AMPH: variants seen among roughly 807,000 people sequenced by gnomAD.
The protein encoded by AMPH is amphiphysin (Stiff-Mann syndrome with breast cancer 128kD autoantigen).
AMPH carries 49 observed loss-of-function variants against 99.1 expected under a neutral mutation model. The observed-to-expected ratio is 0.49, with a 90% CI of 0.39 to 0.63. The LOEUF is 0.63. AMPH is among the 20% of genes least tolerant of loss of function. AMPH has a pLI of 0.00. For missense variants in AMPH, 759 were observed against 863.4 expected, an observed-to-expected ratio of 0.88 and a Z score of 1.52; for synonymous variants, 314 against 317.3, an observed-to-expected ratio of 0.99 and a Z score of 0.11.
chr7:38,522,133 C>T (rs1306022593), intron 2 of AMPH, among the ~76,000 whole-genome samples: 1 of 152,152 alleles, frequency 6.6e-6, no homozygotes, highest in Non-Finnish European at 1.5e-5. Flanking sequence ...CCAAGAACCA[C>T]ATTTTAATTC....
intron 17 of AMPH, among the ~76,000 whole-genome samples, chr7:38,396,121 T>G (rs1433259916): frequency 6.6e-6 from 1 of 152,206 alleles, no homozygotes; most frequent in Non-Finnish European, 1.5e-5. Context: ...AGCCATGACA[T>G]ACTTCCTTCT....
At position 38,446,732 on chromosome 7, in the gene AMPH, T is replaced by C. The variant is rs541483814; in HGVS notation, c.1018-10344A>G. 1.3e-3 allele frequency among the ~76,000 whole-genome samples: 191 copies of C among 152,248 alleles called. 1 individual carries two copies. The highest frequency in any genetic ancestry group is 4.5e-3 in the African/African-American group (185 of 41,548). Reference sequence around the variant, plus strand: ...AATGGTTTAATAGTATATACATATGTGCAAACTCATCAAATATGTGCATAT... The same window carrying C: ...AATGGTTTAATAGTATATACATATGCGCAAACTCATCAAATATGTGCATAT... On this transcript the variant is annotated intron_variant, in intron 11 of 20. Coordinates refer to ENST00000356264, the MANE Select transcript of AMPH (RefSeq NM_001635.4).
At chr7:38,490,943 A>G (rs1788695263) in intron 5 of AMPH, 107 bp downstream of exon 5, 9 of 680,760 alleles carry the variant, frequency 1.3e-5, no homozygotes, top group Admixed American at 5.1e-5. Flanking sequence ...GTTACCAACT[A>G]TCTTTGATGT....
At chr7:38,429,664 C>T in intron 14 of AMPH, 178 bp downstream of exon 14, 1 of 1,354,138 alleles carries the variant, frequency 7.4e-7, no homozygotes, top group South Asian at 1.4e-5. Flanking sequence ...AAACACAAAG[C>T]TCTTCAGGCG....
At chr7:38,631,118 G>C (rs949272185) in intron 1 of AMPH, among the ~76,000 whole-genome samples, 165 bp downstream of exon 1, 1 of 151,884 alleles carries the variant, frequency 6.6e-6, no homozygotes, top group Non-Finnish European at 1.5e-5. Flanking sequence ...GCGCCTTGCG[G>C]CAGTCACCGA....
intron 1 of AMPH, among the ~76,000 whole-genome samples, chr7:38,564,889 C>A (rs969556169): frequency 6.6e-6 from 1 of 152,122 alleles, no homozygotes. Flanking sequence ...CTCTGGGAGG[C>A]TGAGGTGGGT....
chr7:38,511,371 G>GTTT (rs1361290711), intron 2 of AMPH, among the ~76,000 whole-genome samples: 1 of 152,086 alleles, frequency 6.6e-6, no homozygotes, highest in African/African-American at 2.4e-5. Context: ...ATGCTTCCTT[G>GTTT]TTTTTTCATT....
At chr7:38,566,285 T>G (rs1166291868) in intron 1 of AMPH, among the ~76,000 whole-genome samples, 2 of 142,780 alleles carry the variant, frequency 1.4e-5, no homozygotes, top group Admixed American at 7.4e-5. Context: ...AACTCATTAA[T>G]GTCTTCTTTT....
intron 2 of AMPH, among the ~76,000 whole-genome samples, chr7:38,513,193 C>A (rs933032115): frequency 3.3e-5 from 5 of 152,172 alleles, no homozygotes; most frequent in African/African-American, 9.6e-5. Flanking sequence ...AATAATATTA[C>A]CAAGGAGAGT....
intron 20 of AMPH, among the ~76,000 whole-genome samples, chr7:38,389,217 C>T (rs1295166474): frequency 2.6e-5 from 4 of 152,154 alleles, no homozygotes; most frequent in South Asian, 2.1e-4. Flanking sequence ...CAAGGGCTCA[C>T]ATATTTTATG....
intron 1 of AMPH, among the ~76,000 whole-genome samples, chr7:38,623,057 G>A (rs1794126321): frequency 6.6e-6 from 1 of 152,172 alleles, no homozygotes; most frequent in African/African-American, 2.4e-5. Context: ...TTTAAAGAAG[G>A]GAAACTCACC....
intron 17 of AMPH, among the ~76,000 whole-genome samples, chr7:38,396,407 A>G (rs1784669964): frequency 6.6e-6 from 1 of 152,184 alleles, no homozygotes; most frequent in Non-Finnish European, 1.5e-5. Flanking sequence ...GCCTTCCATC[A>G]TGATTGTGAG....
chr7:38,572,835 A>C (rs1792099335), intron 1 of AMPH, among the ~76,000 whole-genome samples: 1 of 152,116 alleles, frequency 6.6e-6, no homozygotes, highest in Non-Finnish European at 1.5e-5. Flanking sequence ...AACAGCCTGC[A>C]GTGTCCATCC....
In AMPH at chr7:38,389,806, G is replaced by A. The variant is rs746760641; in HGVS notation, c.1978C>T (p.Gln660Ter). The change falls in exon 20 of 21, where the codon CAG becomes TAG. Residue 660 changes from glutamine (Q) to a stop codon, truncating the protein, a stop_gained and splice_region_variant. Coordinates refer to ENST00000356264, the MANE Select transcript of AMPH (RefSeq NM_001635.4). LOFTEE classifies it high-confidence loss of function. ...CATCTTCCTATCTTTTCTTTTACCT[G>A]ATCAGCTTCTGAATCTGAGGGGACC... The part of the protein sequence containing the change: ...LVVPSDSEAD[Q>*]DAGWLVGVKE... 6 of 1,612,382 alleles carry A rather than the reference G, an allele frequency of 3.7e-6. No individual in the cohort carries two copies. Among genetic ancestry groups the A allele is most frequent in the South Asian group, 1.1e-5 (1 of 91,022 alleles).
rs544716899 is a variant in AMPH at position 38,421,926 on chromosome 7, T to A, written c.1272+495A>T. Reference sequence around the variant, plus strand: ...AGTAACTATTTCTATTTCTTACTCATCCCCTAACTAAGCTTTTCTCTCTCT... The same window carrying A: ...AGTAACTATTTCTATTTCTTACTCAACCCCTAACTAAGCTTTTCTCTCTCT... On this transcript the variant is annotated intron_variant, in intron 16 of 20. Transcript: ENST00000356264. Among the ~76,000 whole-genome samples the A allele has an allele frequency of 2.0e-5, 3 of 152,356 alleles. No homozygotes were observed. The East Asian group carries it at 5.8e-4, about 29-fold the overall frequency.
intron 2 of AMPH, among the ~76,000 whole-genome samples, chr7:38,516,384 C>T (rs1789742435): frequency 6.6e-6 from 1 of 152,160 alleles, no homozygotes. Flanking sequence ...AAAAGGGCCC[C>T]AGAGAAGTCT....
rs114467767 is a variant in AMPH at position 38,535,139 on chromosome 7, A to G, written c.70-128T>C. On this transcript the variant is annotated intron_variant, in intron 1 of 20. Coordinates refer to ENST00000356264, the MANE Select transcript of AMPH (RefSeq NM_001635.4). ...TAGAGCAAAACTATCAGCACTTCTA[A>G]TTTTTCTGTTCTGGAAGCATCTTGG... 1.5e-3 allele frequency: 1,115 copies of G among 741,342 alleles called. 5 individuals carry two copies. The African/African-American group carries it at 0.018, about 12-fold the overall frequency. 45.9% of individuals were successfully genotyped at this position (741,342 alleles called of 1,614,324 possible). A position where few individuals can be genotyped will look rare whatever the true frequency, so the allele number is the denominator to read the frequency against.
At chr7:38,440,722 A>C (rs1786473079) in intron 11 of AMPH, among the ~76,000 whole-genome samples, 2 of 152,180 alleles carry the variant, frequency 1.3e-5, no homozygotes, top group African/African-American at 4.8e-5. Context: ...AGACTGTGAT[A>C]AATTAAAATG....
intron 17 of AMPH, among the ~76,000 whole-genome samples, chr7:38,395,187 T>C (rs1784633013): frequency 6.6e-6 from 1 of 151,910 alleles, no homozygotes; most frequent in African/African-American, 2.4e-5. Context: ...TTCAAATCTT[T>C]GTGAGGAAGG....
Sources: allele counts gnomAD v4.1 joint callset (sites outside exome capture counted in the v4.1 genomes callset), GRCh38; gene constraint gnomAD v4.1.1; transcripts MANE v1.5; gene names NCBI Gene and HGNC (gene_info 2026-07-23, HGNC 2026-07-21).